Variants in PRMT3 observed in about 807,000 individuals in gnomAD.
PRMT3 encodes the protein protein arginine methyltransferase 3.
A neutral mutation model predicts 71.9 loss-of-function variants in PRMT3; 62 were observed. The observed-to-expected ratio is 0.86, with a 90% CI of 0.70 to 1.07. The LOEUF (loss-of-function observed/expected upper bound fraction) is 1.07, where lower values mean the gene tolerates loss of function less well. Ranked by LOEUF, PRMT3 falls within the 50% of genes least tolerant of loss-of-function variation. PRMT3 has a pLI of 0.00. For synonymous variants in PRMT3, 213 were observed against 220.4 expected (o/e 0.97, Z 0.30); for missense variants, 663 against 643.0 (o/e 1.03, Z -0.34).
chr11:20,496,773 AAAT>A (rs1163814633), intron 15 of PRMT3, among the ~76,000 whole-genome samples: 3 of 152,202 alleles, frequency 2.0e-5, no homozygotes, highest in African/African-American at 7.2e-5. Flanking sequence ...AATATTTCAT[AAAT>A]TCTATAGCTT....
chr11:20,494,395 G>T (rs1322797866), intron 15 of PRMT3, 141 bp downstream of exon 15: 2 of 736,044 alleles, frequency 2.7e-6, no homozygotes, highest in African/African-American at 3.6e-5. Flanking sequence ...CTGGAGAACA[G>T]TGATCTCGGC....
At chr11:20,481,410 T>A (rs1850928973) in intron 13 of PRMT3, among the ~76,000 whole-genome samples, 1 of 152,196 alleles carries the variant, frequency 6.6e-6, no homozygotes, top group Non-Finnish European at 1.5e-5. Flanking sequence ...AGGATGAGCA[T>A]CTTGCTAGAC....
At chr11:20,434,635 G>A (rs1430613155) in intron 10 of PRMT3, among the ~76,000 whole-genome samples, 1 of 152,156 alleles carries the variant, frequency 6.6e-6, no homozygotes, top group Non-Finnish European at 1.5e-5. Flanking sequence ...CTCATTGCTT[G>A]TTTTTGTCAG....
intron 10 of PRMT3, among the ~76,000 whole-genome samples, chr11:20,431,169 C>T (rs867788384): frequency 1.3e-5 from 2 of 152,028 alleles, no homozygotes; most frequent in Non-Finnish European, 2.9e-5. Context: ...TGTAAGAGAA[C>T]GTTCCCAAAC....
At chr11:20,464,582 A>G (rs1322799865) in intron 13 of PRMT3, 36 bp downstream of exon 13, 2 of 1,603,446 alleles carry the variant, frequency 1.2e-6, no homozygotes, top group Non-Finnish European at 1.7e-6. Flanking sequence ...AAATTTCACT[A>G]GCAGTGCAGT....
intron 10 of PRMT3, among the ~76,000 whole-genome samples, chr11:20,440,316 C>A (rs1849856752): frequency 6.6e-6 from 1 of 152,094 alleles, no homozygotes; most frequent in Non-Finnish European, 1.5e-5. Context: ...GATTGCACCA[C>A]TGCCCTCCAG....
intron 13 of PRMT3, among the ~76,000 whole-genome samples, chr11:20,465,245 A>G (rs1380383908): frequency 1.3e-5 from 2 of 152,084 alleles, no homozygotes; most frequent in Non-Finnish European, 2.9e-5. Flanking sequence ...TTCATCTCAA[A>G]TAATTTATAA....
At chr11:20,404,130 AAAAATTAT>A (rs2133315902) in intron 8 of PRMT3, among the ~76,000 whole-genome samples, 1 of 145,240 alleles carries the variant, frequency 6.9e-6, no homozygotes, top group Admixed American at 7.0e-5. Flanking sequence ...GATTTCATTT[AAAAATTAT>A]AGTTATCAGT....
At chr11:20,477,220 A>G (rs925724214) in intron 13 of PRMT3, among the ~76,000 whole-genome samples, 18 of 152,172 alleles carry the variant, frequency 1.2e-4, no homozygotes, top group African/African-American at 4.3e-4. Context: ...TTGGAGGGAA[A>G]AGGTCCTGAT....
rs1348456169 is a variant in PRMT3 at position 20,402,908 on chromosome 11, C to T, written c.706-11C>T. 1.2e-6 allele frequency: 2 copies of T among 1,601,752 alleles called. No homozygotes were observed. The highest frequency in any genetic ancestry group is 4.5e-5 in the East Asian group (2 of 44,776). On this transcript the variant is annotated splice_polypyrimidine_tract_variant and intron_variant, in intron 7 of 15. Coordinates refer to ENST00000331079, the MANE Select transcript of PRMT3 (RefSeq NM_005788.4). ...TCCTATAAACACAGCGTTTTCCTCT[C>T]TCCACCCTAGGACAAAATACGAACA... is the stretch of plus-strand genomic sequence containing the variant.
chr11:20,493,775 TC>T (rs1851266018), intron 13 of PRMT3, 143 bp from the exon 14 acceptor site: 2 of 615,420 alleles, frequency 3.2e-6, no homozygotes, highest in Non-Finnish European at 5.6e-6. Flanking sequence ...ACTTACAACA[TC>T]TTTTCCAGGA....
At chr11:20,396,771 T>C (rs1486231540) in intron 6 of PRMT3, among the ~76,000 whole-genome samples, 1 of 152,178 alleles carries the variant, frequency 6.6e-6, no homozygotes, top group Non-Finnish European at 1.5e-5. Flanking sequence ...AAGTTTAATG[T>C]GCATAGGAAT....
intron 2 of PRMT3, among the ~76,000 whole-genome samples, chr11:20,389,369 A>G (rs1446648761): frequency 1.3e-5 from 2 of 152,248 alleles, no homozygotes; most frequent in African/African-American, 4.8e-5. Context: ...AGCCTCTGAA[A>G]GCAGAGTTGA....
chr11:20,453,480 A>AG (rs1003877024), intron 11 of PRMT3, among the ~76,000 whole-genome samples: 36 of 150,602 alleles, frequency 2.4e-4, no homozygotes, highest in African/African-American at 7.6e-4. Context: ...ACTCCATCTC[A>AG]GAAAAAAAAA....
intron 15 of PRMT3, among the ~76,000 whole-genome samples, chr11:20,494,514 A>C (rs1851289444): frequency 6.6e-6 from 1 of 152,072 alleles, no homozygotes; most frequent in South Asian, 2.1e-4. Flanking sequence ...TTGTATTTTT[A>C]GTAGAGATGG....
chr11:20,419,735 C>T (rs1849385061), intron 9 of PRMT3, among the ~76,000 whole-genome samples: 1 of 152,106 alleles, frequency 6.6e-6, no homozygotes, highest in South Asian at 2.1e-4. Flanking sequence ...ATTCTTTGTA[C>T]TTACACTATC....
chr11:20,505,302 ATACT>A (rs941718025), intron 15 of PRMT3, among the ~76,000 whole-genome samples: 23 of 152,298 alleles, frequency 1.5e-4, no homozygotes, highest in Admixed American at 3.9e-4. Context: ...ATCTAATAGA[ATACT>A]TACTTTATGT....
intron 5 of PRMT3, chr11:20,393,680 A>G (rs1466375054): frequency 6.6e-6 from 1 of 152,206 alleles, no homozygotes; most frequent in African/African-American, 2.4e-5. Flanking sequence ...AGGAATCTTA[A>G]TATTTACTGA....
chr11:20,454,210 C>G (rs1339161897), intron 11 of PRMT3, among the ~76,000 whole-genome samples: 1 of 152,120 alleles, frequency 6.6e-6, no homozygotes, highest in African/African-American at 2.4e-5. Context: ...GTTCTTTTTA[C>G]TAAGCCTTGT....
Sources: allele counts gnomAD v4.1 joint callset (sites outside exome capture counted in the v4.1 genomes callset), GRCh38; gene constraint gnomAD v4.1.1; transcripts MANE v1.5; gene names NCBI Gene and HGNC (gene_info 2026-07-23, HGNC 2026-07-21).